Variants in KCNU1 observed in about 807,000 individuals in gnomAD.
KCNU1 encodes the protein potassium calcium-activated channel subfamily U member 1.
Under a neutral mutation model 126.8 loss-of-function variants are expected in KCNU1, and 93 were observed. The ratio of observed to expected loss-of-function variants is 0.73; its 90% confidence interval spans 0.62 to 0.87. KCNU1 has a LOEUF of 0.87. KCNU1 is among the 40% of genes least tolerant of loss of function. The pLI, the probability that KCNU1 is intolerant of heterozygous loss-of-function variation, is 0.00. For synonymous variants in KCNU1, 523 were observed against 494.2 expected (o/e 1.06, Z -0.77); for missense variants, 1,330 against 1,367.1 (o/e 0.97, Z 0.43).
Position 36,863,986 on chromosome 8 carries a change from A to C in KCNU1, c.1892-418A>C, listed in dbSNP as rs146119533. Among the ~76,000 whole-genome samples the C allele has an allele frequency of 2.0e-5, 3 of 152,316 alleles. No homozygotes were observed. In the East Asian group the frequency reaches 5.8e-4, roughly 29 times the overall value. On this transcript the variant is annotated intron_variant, in intron 18 of 26. Coordinates refer to ENST00000399881, the MANE Select transcript of KCNU1 (RefSeq NM_001031836.3). ...AAAGAAAGCCTCAAAGAAAACATAA[A>C]GCAAAAGGAGGTGATGTCCAGGCAG...
At chr8:36,910,200 A>AT (rs1433447290) in intron 21 of KCNU1, among the ~76,000 whole-genome samples, 1 of 152,202 alleles carries the variant, frequency 6.6e-6, no homozygotes, top group African/African-American at 2.4e-5. Context: ...TGCTGGCAAT[A>AT]TATTTGCAAG....
At chr8:36,934,209 C>T (rs1184414177) in intron 26 of KCNU1, among the ~76,000 whole-genome samples, 1 of 152,062 alleles carries the variant, frequency 6.6e-6, no homozygotes, top group Non-Finnish European at 1.5e-5. Context: ...AAGTAAAGAT[C>T]ATTGGGTACT....
rs770194648 is a variant in KCNU1 at position 36,918,829 on chromosome 8, C to T, written c.2528C>T (p.Thr843Ile). The change falls in exon 23 of 27, where the codon ACT becomes ATT. Residue 843 changes from threonine to isoleucine, a missense_variant. Physicochemically the swap from Thr to Ile is moderately conservative, Grantham distance 89. Coordinates refer to ENST00000399881, the MANE Select transcript of KCNU1 (RefSeq NM_001031836.3). Reference protein sequence around the residue: ...SDPSPSVSEETPGYTNGHNEK... With the variant: ...SDPSPSVSEEIPGYTNGHNEK... ...CCTCTTTTCTTCTTTGCAGAGGAGACTCCAGGTTACACAAATGGACATAAT... is the reference window on the plus strand; with the variant it reads ...CCTCTTTTCTTCTTTGCAGAGGAGATTCCAGGTTACACAAATGGACATAAT... 3 of 1,599,706 alleles carry T rather than the reference C, an allele frequency of 1.9e-6. No individual in the cohort carries two copies. The highest frequency in any genetic ancestry group is 1.7e-6 in the Non-Finnish European group (2 of 1,167,062).
intron 18 of KCNU1, among the ~76,000 whole-genome samples, chr8:36,861,453 T>A (rs1390866756): frequency 6.6e-6 from 1 of 152,178 alleles, no homozygotes; most frequent in East Asian, 1.9e-4. Context: ...GCTATAACAA[T>A]TTTTATGGCA....
At chr8:36,826,272 T>A (rs6999343) in intron 10 of KCNU1, among the ~76,000 whole-genome samples, 3 of 150,736 alleles carry the variant, frequency 2.0e-5, no homozygotes, top group Non-Finnish European at 2.9e-5. Context: ...CGCAGTGGCC[T>A]GATCTTGGCT....
Position 36,905,649 on chromosome 8 carries a change from G to T in KCNU1, c.2010-59G>T. On this transcript the variant is annotated intron_variant, in intron 19 of 26. Transcript: ENST00000399881. The stretch of plus-strand genomic sequence containing the variant: ...AGGCTCTAATGAGTTTTACATCTCG[G>T]CTTTGTTACAGAGGAGCTCCAAATA... 3 of 912,582 alleles carry T rather than the reference G, an allele frequency of 3.3e-6. No homozygotes were observed. The Admixed American group carries it at 5.1e-5, about 15-fold the overall frequency. The allele number at this position is 912,582 out of a possible 1,614,324, so 56.5% of individuals were successfully genotyped here.
rs373677380 is a variant in KCNU1 at position 36,935,816 on chromosome 8, A to T, written c.3346A>T (p.Ile1116Leu). 1.2e-6 allele frequency: 2 copies of T among 1,612,930 alleles called. No individual in the cohort carries two copies. The highest frequency in any genetic ancestry group is 1.7e-5 in the Admixed American group (1 of 59,940). ...AWNQSRTNSI[I>L]SSQIPLGDNA... is the part of the protein sequence containing the mutation. ...GAATCAGAGTAGAACAAACAGTATT[A>T]TATCATCTCAGATACCTTTAGGTGA... Residue 1116 changes from isoleucine (I) to leucine (L), a missense_variant, in exon 27 of 27, where the codon ATA (isoleucine) becomes TTA (leucine). This residue lies in a region of KCNU1 where 1,054 missense variants were observed against 1,053.9 expected (regional missense o/e 1.00). Transcript: ENST00000399881.
chr8:36,897,961 G>A (rs993406786), intron 19 of KCNU1, among the ~76,000 whole-genome samples: 3 of 152,056 alleles, frequency 2.0e-5, no homozygotes, highest in Admixed American at 6.6e-5. Flanking sequence ...TTGATAGGTC[G>A]CTGGTACTAA....
At chr8:36,881,158 C>A (rs557849260) in intron 19 of KCNU1, among the ~76,000 whole-genome samples, 13 of 152,160 alleles carry the variant, frequency 8.5e-5, no homozygotes, top group Non-Finnish European at 1.3e-4. Context: ...CTTTCGGGAG[C>A]CCTTCTACAA....
chr8:36,881,354 C>A (rs957036283), intron 19 of KCNU1, among the ~76,000 whole-genome samples: 13 of 152,166 alleles, frequency 8.5e-5, no homozygotes, highest in Admixed American at 7.9e-4. Context: ...TCTGGGGTAA[C>A]TAGTACTACA....
At position 36,818,427 on chromosome 8, in the gene KCNU1, A is replaced by G. The variant is rs141788283; in HGVS notation, c.1106+667A>G. Among the ~76,000 whole-genome samples, 673 of 152,206 alleles carry G rather than the reference A, an allele frequency of 4.4e-3. 7 individuals carry two copies. Among genetic ancestry groups the G allele is most frequent in the African/African-American group, 0.015 (637 of 41,532 alleles). On this transcript the variant is annotated intron_variant, in intron 10 of 26. Transcript: ENST00000399881. The stretch of plus-strand genomic sequence containing the variant: ...CTTTATTGACTTTTCTACTCAATAT[A>G]TGTTGTTACTAGCCATTTCCTGTTA...
chr8:36,886,859 C>T (rs1563315892), intron 19 of KCNU1, among the ~76,000 whole-genome samples: 1 of 152,002 alleles, frequency 6.6e-6, no homozygotes, highest in Admixed American at 6.6e-5. Flanking sequence ...CTTTGCATAC[C>T]CATAGCTTAG....
chr8:36,900,500 G>GA (rs905413019), intron 19 of KCNU1, among the ~76,000 whole-genome samples: 3 of 152,066 alleles, frequency 2.0e-5, no homozygotes, highest in Non-Finnish European at 4.4e-5. Flanking sequence ...ATAGGTGTGG[G>GA]AGGGGGTATG....
Position 36,831,095 on chromosome 8 carries a change from T to A in KCNU1, c.1107-2459T>A, listed in dbSNP as rs1804529302. ...CCTACAAGGGACATGAACTCATCAT[T>A]TTTTATGGCTGCATGGTATTCCATG... is the stretch of plus-strand genomic sequence containing the variant. On this transcript the variant is annotated intron_variant, in intron 10 of 26. Coordinates refer to ENST00000399881, the MANE Select transcript of KCNU1 (RefSeq NM_001031836.3). Among the ~76,000 whole-genome samples, 3 of 152,116 alleles carry A rather than the reference T, an allele frequency of 2.0e-5. No individual in the cohort carries two copies. The South Asian group carries it at 6.2e-4, about 32-fold the overall frequency.
rs539353908 is a variant in KCNU1 at position 36,878,892 on chromosome 8, C to A, written c.2009+14371C>A. On this transcript the variant is annotated intron_variant, in intron 19 of 26. Coordinates refer to ENST00000399881, the MANE Select transcript of KCNU1 (RefSeq NM_001031836.3). ...TGTATATGTATATAAATATATAATA[C>A]ATTTTAATACATTATATAATATATG... is the stretch of plus-strand genomic sequence containing the variant. Among the ~76,000 whole-genome samples the A allele has an allele frequency of 1.2e-3, 178 of 146,682 alleles. 1 individual carries two copies. The highest frequency in any genetic ancestry group is 4.3e-3 in the African/African-American group (174 of 40,436).
chr8:36,815,970 C>G (rs546153265), intron 9 of KCNU1, among the ~76,000 whole-genome samples: 1 of 152,192 alleles, frequency 6.6e-6, no homozygotes, highest in Non-Finnish European at 1.5e-5. Context: ...GATTATGGCA[C>G]TATTTGTACA....
At chr8:36,927,729 C>T (rs1375527840) in intron 24 of KCNU1, among the ~76,000 whole-genome samples, 1 of 152,128 alleles carries the variant, frequency 6.6e-6, no homozygotes, top group Non-Finnish European at 1.5e-5. Context: ...GGAACCACAA[C>T]ATTCACGGTA....
intron 19 of KCNU1, among the ~76,000 whole-genome samples, chr8:36,895,165 G>GT (rs1227469665): frequency 6.6e-6 from 1 of 150,878 alleles, no homozygotes; most frequent in African/African-American, 2.4e-5. Flanking sequence ...TCAGCTCACT[G>GT]CCCCCCCAGT....
At chr8:36,901,582 C>T (rs756334243) in intron 19 of KCNU1, among the ~76,000 whole-genome samples, 1 of 152,018 alleles carries the variant, frequency 6.6e-6, no homozygotes, top group Admixed American at 6.6e-5. Flanking sequence ...TATTTGCGTG[C>T]TGCTCTACAC....
Sources: gnomAD v4.1 joint callset for allele counts (sites outside exome capture counted in the v4.1 genomes callset) on GRCh38, gnomAD v4.1.1 for gene constraint, gnomAD v4.1.1 regional missense constraint, MANE v1.5 for transcripts, NCBI Gene and HGNC (gene_info 2026-07-23, HGNC 2026-07-21) for gene names.